PLCL1: variants seen among roughly 807,000 people sequenced by gnomAD.
PLCL1 encodes inactive phospholipase C-like protein 1.
Under a neutral mutation model 84.4 loss-of-function variants are expected in PLCL1, and 41 were observed. The observed-to-expected ratio is 0.49, with a 90% confidence interval of 0.38 to 0.63. The LOEUF (loss-of-function observed/expected upper bound fraction) is 0.63, where lower values mean the gene tolerates loss of function less well. PLCL1 is among the 30% of genes least tolerant of loss of function. The pLI, the probability that PLCL1 is intolerant of heterozygous loss-of-function variation, is 0.00. For synonymous variants in PLCL1, 490 were observed against 488.3 expected (o/e 1.00, Z -0.05); for missense variants, 1,206 against 1,367.8 (o/e 0.88, Z 1.87).
chr2:197,927,991 A>G (rs1688865134), intron 1 of PLCL1, among the ~76,000 whole-genome samples: 1 of 151,912 alleles, frequency 6.6e-6, no homozygotes, highest in South Asian at 2.1e-4. Context: ...TCTTAAGGTT[A>G]AATTTAGAAC....
intron 1 of PLCL1, among the ~76,000 whole-genome samples, chr2:197,994,807 C>G (rs536249049): frequency 6.6e-6 from 1 of 152,262 alleles, no homozygotes; most frequent in South Asian, 2.1e-4. Context: ...GGCCTAATTT[C>G]TGAATTTAGT....
At chr2:198,089,386 C>T (rs1692964416) in intron 3 of PLCL1, among the ~76,000 whole-genome samples, 1 of 152,116 alleles carries the variant, frequency 6.6e-6, no homozygotes. Flanking sequence ...TAATTATATA[C>T]CTATGGGAAG....
chr2:198,038,957 T>G (rs1691603000), intron 1 of PLCL1, among the ~76,000 whole-genome samples: 1 of 152,086 alleles, frequency 6.6e-6, no homozygotes, highest in African/African-American at 2.4e-5. Flanking sequence ...CACATTAAGC[T>G]GGTATTTGAA....
chr2:197,864,961 A>G (rs1235460132), intron 1 of PLCL1, among the ~76,000 whole-genome samples: 1 of 152,176 alleles, frequency 6.6e-6, no homozygotes, highest in African/African-American at 2.4e-5. Context: ...AAGCCACTTT[A>G]TATTAAACCC....
intron 1 of PLCL1, among the ~76,000 whole-genome samples, chr2:198,069,554 G>A (rs1026434187): frequency 4.6e-5 from 7 of 151,934 alleles, no homozygotes; most frequent in Non-Finnish European, 1.0e-4. Context: ...GATTTACATG[G>A]GCTATGAGAG....
rs116052599 is a variant in PLCL1, at chr2:198,011,714, C to T, written c.241-72044C>T. Among the ~76,000 whole-genome samples the T allele has an allele frequency of 6.7e-3, 1,015 of 152,138 alleles. 3 individuals carry two copies. The highest frequency in any genetic ancestry group is 0.01 in the Non-Finnish European group (711 of 67,972). ...ACTGAGAGTGGGGTATTGAAGTCTT[C>T]TACTATTATCATATTGGTGTCTATT... On this transcript the variant is annotated intron_variant, in intron 1 of 5. Transcript: ENST00000428675.
intron 5 of PLCL1, among the ~76,000 whole-genome samples, chr2:198,132,372 A>G (rs1051451435): frequency 4.6e-5 from 7 of 152,140 alleles, no homozygotes; most frequent in African/African-American, 1.7e-4. Context: ...GTCTGTGGAC[A>G]TGGACAGCAT....
intron 1 of PLCL1, among the ~76,000 whole-genome samples, chr2:197,962,683 C>G (rs376105276): frequency 6.6e-6 from 1 of 151,936 alleles, no homozygotes; most frequent in African/African-American, 2.4e-5. Context: ...AAATACTAAG[C>G]CTTATTCATT....
At chr2:198,033,872 G>A (rs1162996323) in intron 1 of PLCL1, among the ~76,000 whole-genome samples, 1 of 152,002 alleles carries the variant, frequency 6.6e-6, no homozygotes, top group Non-Finnish European at 1.5e-5. Flanking sequence ...CATTAGAATT[G>A]CCTGGGAGGT....
At chr2:197,901,001 C>G (rs144281663) in intron 1 of PLCL1, among the ~76,000 whole-genome samples, 9 of 152,182 alleles carry the variant, frequency 5.9e-5, no homozygotes, top group Middle Eastern at 3.4e-3. Context: ...AAAAAAATCT[C>G]TAAACTAGGG....
chr2:197,844,877 A>T (rs1260247981), intron 1 of PLCL1, among the ~76,000 whole-genome samples: 3 of 152,132 alleles, frequency 2.0e-5, no homozygotes, highest in Non-Finnish European at 4.4e-5. Context: ...TTTCCCTAGG[A>T]AGTCATTTAG....
At chr2:198,101,577 G>A (rs941070023) in intron 4 of PLCL1, among the ~76,000 whole-genome samples, 4 of 151,928 alleles carry the variant, frequency 2.6e-5, no homozygotes, top group African/African-American at 9.7e-5. Flanking sequence ...AGCGTACAGG[G>A]TTGGGGTGGT....
chr2:198,019,616 C>A (rs146295511), intron 1 of PLCL1, among the ~76,000 whole-genome samples: 14 of 152,030 alleles, frequency 9.2e-5, no homozygotes, highest in Admixed American at 2.6e-4. Context: ...CTGAATTGAT[C>A]AAGTGAAAGA....
intron 1 of PLCL1, among the ~76,000 whole-genome samples, chr2:197,806,972 T>C (rs1434828331): frequency 6.6e-6 from 1 of 152,194 alleles, no homozygotes. Context: ...TAATGGTGCC[T>C]CTTTTGTTTT....
chr2:198,085,530 T>C lies in PLCL1; in HGVS notation c.2013T>C (p.Phe671=), dbSNP rs755635998. The C allele has an allele frequency of 1.3e-5, 21 of 1,613,970 alleles. No individual in the cohort carries two copies. Among genetic ancestry groups the C allele is most frequent in the Non-Finnish European group, 1.7e-5 (20 of 1,179,938 alleles). The change falls in exon 2 of 6, where the codon TTT becomes TTC. Residue 671 remains phenylalanine, a synonymous_variant. Transcript: ENST00000428675. This position sits in a 1 kb window ranked among gnomAD's most constrained non-coding sequence, Gnocchi z 5.3. ...GCTGTCAGATTGTAGCAATGAATTT[T>C]CAGACTCCGGGTCCAATGATGGACC... is the stretch of plus-strand genomic sequence containing the variant. The part of the protein sequence containing the change: ...NCGCQIVAMN[F]QTPGPMMDLH...
In PLCL1 at chr2:198,084,229, ACAC is replaced by A; in HGVS notation, c.716_718del (p.Pro239del). The A allele has an allele frequency of 6.2e-7, 1 of 1,614,144 alleles. No homozygotes were observed. The highest frequency in any genetic ancestry group is 8.5e-7 in the Non-Finnish European group (1 of 1,180,004). On this transcript the variant is annotated inframe_deletion, in exon 2 of 6. Transcript: ENST00000428675. Reference sequence around the variant, plus strand: ...TGATTTTATGGAGGGCAACCAGAACACACCACGGTTCATGTGGTTGAAAACAGT... The same window carrying A: ...TGATTTTATGGAGGGCAACCAGAACACACGGTTCATGTGGTTGAAAACAGT...
At chr2:198,112,275 G>A (rs907529670) in intron 5 of PLCL1, among the ~76,000 whole-genome samples, 3 of 151,798 alleles carry the variant, frequency 2.0e-5, no homozygotes, top group Admixed American at 1.3e-4. Context: ...TTGAGTCCTT[G>A]GACAGGTACG....
chr2:197,887,746 C>G (rs528827234), intron 1 of PLCL1, among the ~76,000 whole-genome samples: 1 of 152,058 alleles, frequency 6.6e-6, no homozygotes, highest in East Asian at 1.9e-4. Flanking sequence ...CCCACCATTC[C>G]GAGTCTCCAG....
intron 1 of PLCL1, among the ~76,000 whole-genome samples, chr2:198,061,968 T>C (rs1295021057): frequency 6.6e-6 from 1 of 152,230 alleles, no homozygotes; most frequent in Non-Finnish European, 1.5e-5. Flanking sequence ...TACACAATAC[T>C]GAGAAGAAAT....
Sources: allele counts gnomAD v4.1 joint callset (sites outside exome capture counted in the v4.1 genomes callset), GRCh38; gene constraint gnomAD v4.1.1; non-coding constraint Gnocchi (gnomAD v3.1); transcripts MANE v1.5; gene names NCBI Gene and HGNC (gene_info 2026-07-23, HGNC 2026-07-21).